Variants in GRK5 observed in about 807,000 individuals in gnomAD.
GRK5 encodes g protein-coupled receptor kinase GRK5.
Under a neutral mutation model 78.4 loss-of-function variants are expected in GRK5, and 40 were observed. That is an observed-to-expected ratio of 0.51 (90% CI 0.40 to 0.66). The LOEUF (loss-of-function observed/expected upper bound fraction) is 0.66, where lower values mean the gene tolerates loss of function less well. GRK5 is among the 30% of genes least tolerant of loss of function. The pLI is 0.00. For synonymous variants in GRK5, 289 were observed against 296.8 expected (o/e 0.97, Z 0.27); for missense variants, 598 against 759.9 (o/e 0.79, Z 2.50).
At chr10:119,276,665 G>A (rs1849675321) in intron 1 of GRK5, among the ~76,000 whole-genome samples, 2 of 152,218 alleles carry the variant, frequency 1.3e-5, no homozygotes, top group Admixed American at 6.5e-5. Flanking sequence ...AGATCCCTTA[G>A]GAATTGCCAC....
At chr10:119,315,762 G>T (rs1340186630) in intron 1 of GRK5, among the ~76,000 whole-genome samples, 1 of 152,144 alleles carries the variant, frequency 6.6e-6, no homozygotes, top group African/African-American at 2.4e-5. Context: ...GCCTTTTGTG[G>T]CTGGGAACGC....
chr10:119,413,719 A>C (rs1359974814), intron 4 of GRK5, among the ~76,000 whole-genome samples: 1 of 151,746 alleles, frequency 6.6e-6, no homozygotes, highest in African/African-American at 2.4e-5. Context: ...GTAAGCCCCC[A>C]CCTCACAGTG....
At chr10:119,316,839 C>T (rs894378225) in intron 1 of GRK5, among the ~76,000 whole-genome samples, 1 of 152,014 alleles carries the variant, frequency 6.6e-6, no homozygotes, top group Non-Finnish European at 1.5e-5. Context: ...GGCACATGGT[C>T]GAACCCAGTG....
chr10:119,408,087 C>T (rs1852272326), intron 4 of GRK5, among the ~76,000 whole-genome samples: 1 of 146,232 alleles, frequency 6.8e-6, no homozygotes, highest in African/African-American at 2.5e-5. Flanking sequence ...CGCTCGAACC[C>T]AGGAGGCAGA....
intron 1 of GRK5, among the ~76,000 whole-genome samples, chr10:119,256,495 A>T (rs1250896749): frequency 6.6e-6 from 1 of 152,098 alleles, no homozygotes; most frequent in African/African-American, 2.4e-5. Flanking sequence ...GCTGAGTAAC[A>T]ACCAGGCCCT....
At chr10:119,330,925 G>A (rs1009458230) in intron 2 of GRK5, among the ~76,000 whole-genome samples, 6 of 152,176 alleles carry the variant, frequency 3.9e-5, no homozygotes. Flanking sequence ...GGAGGCTGAG[G>A]CAGGAAAATC....
intron 13 of GRK5, among the ~76,000 whole-genome samples, chr10:119,451,699 T>C (rs1385894637): frequency 2.0e-5 from 3 of 152,218 alleles, no homozygotes; most frequent in African/African-American, 4.8e-5. Flanking sequence ...TTTGCTTTGC[T>C]GGGGACAGCA....
At chr10:119,424,753 A>G (rs1476569594) in intron 5 of GRK5, among the ~76,000 whole-genome samples, 2 of 152,086 alleles carry the variant, frequency 1.3e-5, no homozygotes, top group Non-Finnish European at 2.9e-5. Flanking sequence ...CCTTGCTCCC[A>G]GCTATATCCC....
intron 2 of GRK5, among the ~76,000 whole-genome samples, chr10:119,359,728 C>T (rs1851327079): frequency 6.6e-6 from 1 of 152,228 alleles, no homozygotes; most frequent in Non-Finnish European, 1.5e-5. Context: ...CTTTGGTTCA[C>T]ACCCTGGATG....
chr10:119,228,348 A>AC (rs1554896712), intron 1 of GRK5, among the ~76,000 whole-genome samples: 224 of 148,642 alleles, frequency 1.5e-3, no homozygotes, highest in African/African-American at 5.4e-3. Flanking sequence ...CTGTCTCAAA[A>AC]AAAACAAAAC....
intron 4 of GRK5, among the ~76,000 whole-genome samples, chr10:119,409,034 GCCGGGGAATGAGCAAGC>G (rs1265117754): frequency 6.6e-6 from 1 of 152,178 alleles, no homozygotes; most frequent in African/African-American, 2.4e-5. Flanking sequence ...AAGCAGCAAG[GCCGGGGAATGAGCAAGC>G]CCCGGAGGCG....
chr10:119,231,253 C>G (rs977328879), intron 1 of GRK5, among the ~76,000 whole-genome samples: 1 of 152,092 alleles, frequency 6.6e-6, no homozygotes, highest in African/African-American at 2.4e-5. Flanking sequence ...AAAAAATGGG[C>G]AGATGATCTG....
intron 1 of GRK5, among the ~76,000 whole-genome samples, chr10:119,314,047 G>A (rs757062467): frequency 2.0e-5 from 3 of 152,234 alleles, no homozygotes; most frequent in Admixed American, 1.3e-4. Flanking sequence ...CTGTGGCACA[G>A]GGAACTTTCT....
At chr10:119,444,828 G>A (rs1853111282) in intron 12 of GRK5, among the ~76,000 whole-genome samples, 1 of 152,338 alleles carries the variant, frequency 6.6e-6, no homozygotes. Context: ...GATTCAGCGT[G>A]TGCATTGACA....
chr10:119,266,182 G>A (rs117481409), intron 1 of GRK5, among the ~76,000 whole-genome samples: 1,904 of 152,282 alleles, frequency 0.013, 22 homozygotes, highest in Non-Finnish European at 0.018. Context: ...CTGGATGGGC[G>A]CGAAGGCTCA....
chr10:119,367,385 G>A (rs1245337274), intron 2 of GRK5, among the ~76,000 whole-genome samples: 1 of 152,156 alleles, frequency 6.6e-6, no homozygotes, highest in African/African-American at 2.4e-5. Context: ...AGCCCTTCTT[G>A]AGTCTGGGGC....
intron 1 of GRK5, among the ~76,000 whole-genome samples, chr10:119,256,229 T>C (rs1335224392): frequency 6.6e-6 from 1 of 152,108 alleles, no homozygotes; most frequent in Non-Finnish European, 1.5e-5. Flanking sequence ...CCTCGACTCC[T>C]GTGGAGACTC....
At chr10:119,434,794 T>C (rs1714992256) in intron 8 of GRK5, among the ~76,000 whole-genome samples, 1 of 152,228 alleles carries the variant, frequency 6.6e-6, no homozygotes, top group African/African-American at 2.4e-5. Context: ...AATGCCCCAG[T>C]AGGGACTCTG....
intron 6 of GRK5, among the ~76,000 whole-genome samples, chr10:119,426,381 G>C (rs1208130137): frequency 6.6e-6 from 1 of 152,154 alleles, no homozygotes; most frequent in Non-Finnish European, 1.5e-5. Context: ...GAAAGCTTGA[G>C]AGGCAAAGGA....
Sources: gnomAD v4.1 joint callset for allele counts (sites outside exome capture counted in the v4.1 genomes callset) on GRCh38, gnomAD v4.1.1 for gene constraint, MANE v1.5 for transcripts, NCBI Gene and HGNC (gene_info 2026-07-23, HGNC 2026-07-21) for gene names.